Variants in TOX3 observed in about 807,000 individuals in gnomAD.
The protein encoded by TOX3 is TOX high mobility group box family member 3.
Under a neutral mutation model 64.3 loss-of-function variants are expected in TOX3, and 22 were observed. That is an observed-to-expected ratio of 0.34 (90% confidence interval 0.24 to 0.49). The LOEUF is 0.49. Among genes scored for constraint, TOX3 ranks in the 20% least tolerant of loss-of-function variants. The pLI is 0.99. For synonymous variants in TOX3, 291 were observed against 273.6 expected (o/e 1.06, Z -0.63); for missense variants, 661 against 714.4 (o/e 0.93, Z 0.85).
chr16:52,510,304 T>A (rs530669007), intron 1 of TOX3, among the ~76,000 whole-genome samples: 2 of 152,028 alleles, frequency 1.3e-5, no homozygotes, highest in Non-Finnish European at 2.9e-5. Flanking sequence ...ATTAGAGAAA[T>A]GAATCAAAGT....
At position 52,436,438 on chromosome 16, in the gene TOX3, A is replaced by T. The variant is rs1440707639; in HGVS notation, c.*2787T>A. On this transcript the variant is annotated 3_prime_UTR_variant, in exon 7 of 7. Transcript: ENST00000219746. ...TGTCTATTTTTCATTATCCTGATTT[A>T]TTTCTGACCTGTAACAAAAGAAAAA... Among the ~76,000 whole-genome samples, 4 of 152,076 alleles carry T rather than the reference A, an allele frequency of 2.6e-5. No homozygotes were observed. Among genetic ancestry groups the T allele is most frequent in the Admixed American group, 1.3e-4 (2 of 15,270 alleles).
At chr16:52,536,807 C>T (rs1474573398) in intron 1 of TOX3, among the ~76,000 whole-genome samples, 1 of 150,550 alleles carries the variant, frequency 6.6e-6, no homozygotes, top group Non-Finnish European at 1.5e-5. Context: ...CAAGGTCTTG[C>T]TGTGTTTCCC....
At chr16:52,469,686 A>G (rs1329858669) in intron 1 of TOX3, among the ~76,000 whole-genome samples, 1 of 152,214 alleles carries the variant, frequency 6.6e-6, no homozygotes, top group African/African-American at 2.4e-5. Context: ...ATGGGTAGGT[A>G]CATAGATAAA....
At chr16:52,504,780 C>G (rs1443682030) in intron 1 of TOX3, among the ~76,000 whole-genome samples, 2 of 152,018 alleles carry the variant, frequency 1.3e-5, no homozygotes, top group African/African-American at 4.8e-5. Context: ...GAAAGAAGTC[C>G]AATGGAATGG....
At chr16:52,531,049 A>G (rs951212622) in intron 1 of TOX3, among the ~76,000 whole-genome samples, 3 of 152,202 alleles carry the variant, frequency 2.0e-5, no homozygotes, top group African/African-American at 7.2e-5. Flanking sequence ...ACAAGATGTA[A>G]AAAGAGGAAC....
intron 6 of TOX3, 103 bp from the exon 7 acceptor site, chr16:52,440,071 A>G (rs1351793648): frequency 2.2e-6 from 2 of 922,020 alleles, no homozygotes; most frequent in East Asian, 2.7e-5. Flanking sequence ...AACGGCCACC[A>G]TTATTCATGC....
chr16:52,486,533 C>T (rs1000495171), intron 1 of TOX3, among the ~76,000 whole-genome samples: 27 of 152,174 alleles, frequency 1.8e-4, no homozygotes, highest in African/African-American at 6.5e-4. Flanking sequence ...CTACACAGAA[C>T]CATATCAAAA....
At position 52,436,678 on chromosome 16, in the gene TOX3, T is replaced by C. The variant is rs1272012786; in HGVS notation, c.*2547A>G. ...ATAAACTGTAGTCATTAAACTTTTT[T>C]TTTCCTCTGGAATTGACCATCAGTG... On this transcript the variant is annotated 3_prime_UTR_variant, in exon 7 of 7. Coordinates refer to ENST00000219746, the MANE Select transcript of TOX3 (RefSeq NM_001080430.4). 1 of 152,192 alleles carries C rather than the reference T, an allele frequency of 6.6e-6. No homozygotes were observed. The highest frequency in any genetic ancestry group is 1.5e-5 in the Non-Finnish European group (1 of 68,024). 9.4% of individuals were successfully genotyped at this position (152,192 alleles called of 1,614,324 possible). A position where few individuals can be genotyped will look rare whatever the true frequency, so the allele number is the denominator to read the frequency against.
At position 52,476,712 on chromosome 16, in the gene TOX3, A is replaced by G. The variant is rs909700543; in HGVS notation, c.88-8138T>C. Among the ~76,000 whole-genome samples the G allele has an allele frequency of 2.0e-5, 3 of 152,158 alleles. No individual in the cohort carries two copies. In the East Asian group the frequency reaches 5.8e-4, roughly 29 times the overall value. On this transcript the variant is annotated intron_variant, in intron 1 of 6. Coordinates refer to ENST00000219746, the MANE Select transcript of TOX3 (RefSeq NM_001080430.4). ...TTTGTCTCCCTCCCTTCTGCCTGAA[A>G]GCCTTACCAACACTTAACTGAGTCC... is the stretch of plus-strand genomic sequence containing the variant.
Position 52,534,741 on chromosome 16 carries a change from T to G in TOX3, c.87+11896A>C, listed in dbSNP as rs192012845. On this transcript the variant is annotated intron_variant, in intron 1 of 6. Transcript: ENST00000219746. ...ATAAGAAGTGAGAAATAAACTAGGT[T>G]TGATCAAAAAGGAAAAACATCATGT... 9.9e-5 allele frequency among the ~76,000 whole-genome samples: 15 copies of G among 152,188 alleles called. No homozygotes were observed. The East Asian group carries it at 2.9e-3, about 29-fold the overall frequency.
intron 1 of TOX3, among the ~76,000 whole-genome samples, chr16:52,494,699 A>G (rs544537508): frequency 2.0e-5 from 3 of 152,322 alleles, no homozygotes; most frequent in South Asian, 2.1e-4. Context: ...TGTTTCTACT[A>G]CATTCGCTTG....
chr16:52,456,923 C>A (rs1960535419), intron 3 of TOX3, among the ~76,000 whole-genome samples: 1 of 152,160 alleles, frequency 6.6e-6, no homozygotes. Context: ...CAAACTGAGT[C>A]TTTCTCCTGG....
intron 1 of TOX3, among the ~76,000 whole-genome samples, chr16:52,487,176 C>T (rs1232533904): frequency 2.0e-5 from 3 of 151,938 alleles, no homozygotes; most frequent in Non-Finnish European, 4.4e-5. Context: ...GCCTTGTTCA[C>T]CATGGGATGA....
At chr16:52,503,429 T>C (rs764853872) in intron 1 of TOX3, among the ~76,000 whole-genome samples, 1 of 152,216 alleles carries the variant, frequency 6.6e-6, no homozygotes, top group Non-Finnish European at 1.5e-5. Flanking sequence ...ACCCTGTACC[T>C]ACCTTATTAT....
intron 1 of TOX3, among the ~76,000 whole-genome samples, chr16:52,529,879 C>A (rs544037044): frequency 1.3e-5 from 2 of 152,158 alleles, no homozygotes; most frequent in African/African-American, 4.8e-5. Context: ...TACTCATAAT[C>A]CTCTCAATAC....
At chr16:52,502,526 GT>G (rs1445485397) in intron 1 of TOX3, among the ~76,000 whole-genome samples, 1 of 152,130 alleles carries the variant, frequency 6.6e-6, no homozygotes, top group Non-Finnish European at 1.5e-5. Context: ...ATTGATCCAG[GT>G]TGCCATTTTT....
intron 1 of TOX3, among the ~76,000 whole-genome samples, chr16:52,533,680 A>T (rs1234302335): frequency 6.6e-6 from 1 of 152,242 alleles, no homozygotes; most frequent in Non-Finnish European, 1.5e-5. Context: ...TTTAAGAGAA[A>T]AAAAGAGGTA....
At chr16:52,491,268 A>G (rs762471035) in intron 1 of TOX3, among the ~76,000 whole-genome samples, 9 of 151,880 alleles carry the variant, frequency 5.9e-5, no homozygotes, top group Non-Finnish European at 1.2e-4. Flanking sequence ...CTTTTCTGTT[A>G]ACATCCAATG....
chr16:52,471,418 T>C (rs1330341571), intron 1 of TOX3, among the ~76,000 whole-genome samples: 2 of 152,210 alleles, frequency 1.3e-5, no homozygotes, highest in African/African-American at 4.8e-5. Context: ...GGGGCAGGTC[T>C]CTAATATAAT....
Sources: allele counts gnomAD v4.1 joint callset (sites outside exome capture counted in the v4.1 genomes callset), GRCh38; gene constraint gnomAD v4.1.1; transcripts MANE v1.5; gene names NCBI Gene and HGNC (gene_info 2026-07-23, HGNC 2026-07-21).